ABCA13: variants seen among roughly 807,000 people sequenced by gnomAD.
ABCA13 encodes ATP-binding cassette sub-family A member 13.
In ABCA13, 476 loss-of-function variants were observed where a neutral mutation model predicts 478.7. That is an observed-to-expected ratio of 0.99 (90% CI 0.92 to 1.07). The LOEUF (loss-of-function observed/expected upper bound fraction) is 1.07. Among genes scored for constraint, ABCA13 ranks in the 50% least tolerant of loss-of-function variants. ABCA13 has a pLI of 0.00. For missense variants in ABCA13, 6,060 were observed against 5,910.6 expected, an observed-to-expected ratio of 1.03 and a Z score of -0.83; for synonymous variants, 2,252 against 2,158.9, an observed-to-expected ratio of 1.04 and a Z score of -1.20.
At position 48,417,614 on chromosome 7, in the gene ABCA13, C is replaced by G. The variant is rs1820200980; in HGVS notation, c.12459+5031C>G. Among the ~76,000 whole-genome samples, 3 of 152,124 alleles carry G rather than the reference C, an allele frequency of 2.0e-5. No individual in the cohort carries two copies. The South Asian group carries it at 6.2e-4, about 32-fold the overall frequency. On this transcript the variant is annotated intron_variant, in intron 41 of 61. Coordinates refer to ENST00000435803, the MANE Select transcript of ABCA13 (RefSeq NM_152701.5). ...TTCTGTGTCCCTCTGCCTCCCTTGCCCCCAGCCTCCTCCACTATCAACATC... is the reference window on the plus strand; with the variant it reads ...TTCTGTGTCCCTCTGCCTCCCTTGCGCCCAGCCTCCTCCACTATCAACATC...
At chr7:48,208,580 A>G (rs1339247325) in intron 3 of ABCA13, among the ~76,000 whole-genome samples, 1 of 151,808 alleles carries the variant, frequency 6.6e-6, no homozygotes, top group Admixed American at 6.6e-5. Context: ...TATAAATGGT[A>G]TTGCTTTCTT....
intron 59 of ABCA13, among the ~76,000 whole-genome samples, chr7:48,630,277 T>A (rs920620069): frequency 1.6e-4 from 24 of 152,240 alleles, no homozygotes; most frequent in Middle Eastern, 3.4e-3. Flanking sequence ...GCAAATAGCA[T>A]CCTATAGGTA....
At chr7:48,286,063 T>C (rs1414641990) in intron 19 of ABCA13, among the ~76,000 whole-genome samples, 1 of 152,206 alleles carries the variant, frequency 6.6e-6, no homozygotes, top group Admixed American at 6.5e-5. Flanking sequence ...AGTTTTAGAT[T>C]CGCAGCAACC....
intron 41 of ABCA13, among the ~76,000 whole-genome samples, chr7:48,422,713 C>T (rs910729725): frequency 6.6e-6 from 1 of 152,192 alleles, no homozygotes; most frequent in African/African-American, 2.4e-5. Flanking sequence ...CCAGCGACGT[C>T]CACGTCCTTA....
rs1369666169 is a variant in ABCA13, at chr7:48,644,528, A to AT, written c.14944-82dup. ...GTGTAGGTTGAGAAAACGTAACTGA[A>AT]TTTTTTTGCCAATTAAATGTAGTAT... is the stretch of plus-strand genomic sequence containing the variant. On this transcript the variant is annotated intron_variant, in intron 60 of 61. Transcript: ENST00000435803. 4.3e-6 allele frequency: 6 copies of AT among 1,382,572 alleles called. No individual in the cohort carries two copies. In the East Asian group the frequency reaches 7.5e-5, roughly 17 times the overall value. The allele number at this position is 1,382,572 out of a possible 1,614,324, so 85.6% of individuals were successfully genotyped here. A position where few individuals can be genotyped will look rare whatever the true frequency, so the allele number is the denominator to read the frequency against.
chr7:48,476,529 T>A (rs538750799), intron 45 of ABCA13, among the ~76,000 whole-genome samples: 1 of 151,566 alleles, frequency 6.6e-6, no homozygotes, highest in African/African-American at 2.4e-5. Flanking sequence ...AGGTTGGGGG[T>A]TGGGGAGCGG....
chr7:48,229,746 T>A, intron 6 of ABCA13, 79 bp from the exon 7 acceptor site: 1 of 1,548,374 alleles, frequency 6.5e-7, no homozygotes, highest in South Asian at 1.2e-5. Flanking sequence ...GTCCATGGGA[T>A]GTAAGTAAAC....
chr7:48,234,278 C>T, intron 8 of ABCA13, 127 bp downstream of exon 8: 1 of 1,272,012 alleles, frequency 7.9e-7, no homozygotes, highest in Non-Finnish European at 1.1e-6. Context: ...TCGGTCAAAA[C>T]CCGAGCTCCT....
At chr7:48,620,146 C>A (rs528190717) in intron 59 of ABCA13, among the ~76,000 whole-genome samples, 6 of 151,682 alleles carry the variant, frequency 4.0e-5, no homozygotes, top group African/African-American at 9.7e-5. Context: ...GAGGAGGAGG[C>A]CTTTTTTAGT....
At chr7:48,621,976 T>C (rs1793182406) in intron 59 of ABCA13, among the ~76,000 whole-genome samples, 1 of 152,164 alleles carries the variant, frequency 6.6e-6, no homozygotes, top group Non-Finnish European at 1.5e-5. Flanking sequence ...ACAGACAGCA[T>C]CTAGAGTATA....
At chr7:48,437,242 A>T (rs944579920) in intron 42 of ABCA13, among the ~76,000 whole-genome samples, 2 of 151,954 alleles carry the variant, frequency 1.3e-5, no homozygotes, top group South Asian at 4.1e-4. Context: ...TTCTTAGTGA[A>T]TTGACTCTTT....
chr7:48,568,261 T>C (rs1195434140), intron 55 of ABCA13, among the ~76,000 whole-genome samples: 1 of 152,100 alleles, frequency 6.6e-6, no homozygotes, highest in Non-Finnish European at 1.5e-5. Context: ...TCCATATAAA[T>C]AGGTTCATAC....
intron 3 of ABCA13, among the ~76,000 whole-genome samples, chr7:48,205,970 T>C (rs1360496812): frequency 6.6e-6 from 1 of 152,308 alleles, no homozygotes; most frequent in East Asian, 1.9e-4. Flanking sequence ...GATTGAAATA[T>C]AAAGCATCTT....
chr7:48,643,530 C>CCTG, intron 60 of ABCA13, 137 bp downstream of exon 60: 1 of 691,328 alleles, frequency 1.4e-6, no homozygotes, highest in South Asian at 2.1e-5. Flanking sequence ...AGTATAGGCC[C>CCTG]TGCCTCCCTA....
chr7:48,288,912 CA>C (rs1318002484), intron 20 of ABCA13, among the ~76,000 whole-genome samples: 1 of 152,146 alleles, frequency 6.6e-6, no homozygotes, highest in Non-Finnish European at 1.5e-5. Context: ...ATCCCCCTGA[CA>C]AGCTTGGACA....
chr7:48,513,197 G>C (rs995416142), intron 51 of ABCA13, among the ~76,000 whole-genome samples: 3 of 152,152 alleles, frequency 2.0e-5, no homozygotes, highest in Admixed American at 6.6e-5. Flanking sequence ...GGAGCCCAAG[G>C]GCAAACTCAG....
intron 3 of ABCA13, among the ~76,000 whole-genome samples, chr7:48,218,442 G>A (rs1239239212): frequency 1.3e-5 from 2 of 152,196 alleles, no homozygotes; most frequent in Non-Finnish European, 2.9e-5. Context: ...CCATACTTTG[G>A]AAGGCCAAAG....
At chr7:48,519,982 A>G in intron 52 of ABCA13, 59 bp from the exon 53 acceptor site, 1 of 1,491,550 alleles carries the variant, frequency 6.7e-7, no homozygotes, top group Non-Finnish European at 9.0e-7. Flanking sequence ...TTATTGGTAT[A>G]TATTATGAAA....
chr7:48,546,485 C>A (rs773872155), intron 55 of ABCA13, among the ~76,000 whole-genome samples: 1 of 151,602 alleles, frequency 6.6e-6, no homozygotes, highest in Non-Finnish European at 1.5e-5. Flanking sequence ...TTTCTTAATC[C>A]TTCCTGTACT....
Sources: gnomAD v4.1 joint callset for allele counts (sites outside exome capture counted in the v4.1 genomes callset) on GRCh38, gnomAD v4.1.1 for gene constraint, MANE v1.5 for transcripts, NCBI Gene and HGNC (gene_info 2026-07-23, HGNC 2026-07-21) for gene names.